The following UMAD1 variants were observed in gnomAD, a reference collection of about 807,000 sequenced individuals.
UMAD1 encodes the protein UBAP1-MVB12-associated (UMA) domain containing 1, also known as UBAP1-MVB12-associated (UMA)-domain containing protein 1.
In UMAD1, 8 loss-of-function variants were observed where a neutral mutation model predicts 6.1. The observed-to-expected ratio is 1.30, with a 90% CI of 0.76 to 2.35. The LOEUF (loss-of-function observed/expected upper bound fraction) is 2.35. Ranked by LOEUF, UMAD1 falls within the 30% of genes most tolerant of loss-of-function variation. The pLI is 0.00. For missense variants in UMAD1, 130 were observed against 78.4 expected, an observed-to-expected ratio of 1.66 and a Z score of -2.49; for synonymous variants, 56 against 31.4, an observed-to-expected ratio of 1.78 and a Z score of -2.61.
chr7:7,771,410 C>T (rs1298519440), intron 2 of UMAD1, among the ~76,000 whole-genome samples: 1 of 152,036 alleles, frequency 6.6e-6, no homozygotes, highest in African/African-American at 2.4e-5. Context: ...GGGGTGCCAT[C>T]GCTGCGGCAG....
At position 7,651,249 on chromosome 7, in the gene UMAD1, A is replaced by G. The variant is rs141773604; in HGVS notation, c.-64+10428A>G. Reference sequence around the variant, plus strand: ...AGGATCTACAAATCCACAAAAGTATATGTTAGTACTAGAGCTAATGTTGGA... The same window carrying G: ...AGGATCTACAAATCCACAAAAGTATGTGTTAGTACTAGAGCTAATGTTGGA... On this transcript the variant is annotated intron_variant, in intron 1 of 3. Coordinates refer to ENST00000682710, the MANE Select transcript of UMAD1 (RefSeq NM_001302348.2). Among the ~76,000 whole-genome samples, 302 of 152,360 alleles carry G rather than the reference A, an allele frequency of 2.0e-3. 1 individual carries two copies. Among genetic ancestry groups the G allele is most frequent in the African/African-American group, 7.0e-3 (289 of 41,582 alleles).
chr7:7,854,006 A>G (rs1783967994), intron 3 of UMAD1, among the ~76,000 whole-genome samples: 1 of 152,170 alleles, frequency 6.6e-6, no homozygotes, highest in South Asian at 2.1e-4. Flanking sequence ...TGTTGGGTGT[A>G]TTAGTCCGTT....
intron 2 of UMAD1, among the ~76,000 whole-genome samples, chr7:7,675,621 G>A (rs933897913): frequency 2.0e-5 from 3 of 152,108 alleles, no homozygotes; most frequent in Admixed American, 1.3e-4. Flanking sequence ...AGGAATTTCC[G>A]GGACCTAATT....
At chr7:7,708,191 G>C (rs1780654428) in intron 2 of UMAD1, among the ~76,000 whole-genome samples, 1 of 152,128 alleles carries the variant, frequency 6.6e-6, no homozygotes, top group African/African-American at 2.4e-5. Context: ...AAACACAACA[G>C]CTTCTCCTTA....
intron 2 of UMAD1, among the ~76,000 whole-genome samples, chr7:7,759,507 G>T (rs1039837707): frequency 1.3e-5 from 2 of 152,172 alleles, no homozygotes; most frequent in African/African-American, 4.8e-5. Flanking sequence ...GGGGCTTACA[G>T]CATTCTATTT....
intron 3 of UMAD1, among the ~76,000 whole-genome samples, chr7:7,839,055 G>A (rs1184072927): frequency 6.6e-6 from 1 of 152,172 alleles, no homozygotes; most frequent in Non-Finnish European, 1.5e-5. Flanking sequence ...TCCTGGTAAT[G>A]TTCTGTTCCT....
chr7:7,742,235 T>C, intron 2 of UMAD1: 2 of 679,726 alleles, frequency 2.9e-6, no homozygotes, highest in Non-Finnish European at 5.5e-6. Flanking sequence ...GATCTGGTGC[T>C]TGTTGGCTTT....
chr7:7,802,172 G>A (rs1352228378), intron 3 of UMAD1, among the ~76,000 whole-genome samples: 4 of 152,204 alleles, frequency 2.6e-5, no homozygotes, highest in African/African-American at 9.6e-5. Context: ...GAGGTCAAGA[G>A]ATCAAGACCA....
At chr7:7,853,923 A>G (rs1783966280) in intron 3 of UMAD1, among the ~76,000 whole-genome samples, 1 of 152,140 alleles carries the variant, frequency 6.6e-6, no homozygotes, top group South Asian at 2.1e-4. Flanking sequence ...TTTCACCATT[A>G]ATAATGTTGT....
chr7:7,772,361 G>T (rs1025792354), intron 2 of UMAD1: 3 of 152,270 alleles, frequency 2.0e-5, no homozygotes, highest in Admixed American at 6.5e-5. Flanking sequence ...TATGTTCTTT[G>T]CAGTCATTCT....
chr7:7,823,535 CA>C (rs1353638193), intron 3 of UMAD1, among the ~76,000 whole-genome samples: 1 of 152,038 alleles, frequency 6.6e-6, no homozygotes, highest in African/African-American at 2.4e-5. Context: ...TTTTGAAGCC[CA>C]AAGTGCCTCA....
chr7:7,780,183 C>T (rs1439333745), intron 2 of UMAD1, among the ~76,000 whole-genome samples: 1 of 152,206 alleles, frequency 6.6e-6, no homozygotes, highest in Non-Finnish European at 1.5e-5. Context: ...CAACCATTGC[C>T]ATTTACTACA....
At chr7:7,864,637 A>G (rs1350300242) in intron 3 of UMAD1, among the ~76,000 whole-genome samples, 2 of 125,298 alleles carry the variant, frequency 1.6e-5, no homozygotes, top group Non-Finnish European at 3.8e-5. Flanking sequence ...ACACACACAC[A>G]CACACACACA....
At chr7:7,717,654 C>A (rs1178591891) in intron 2 of UMAD1, among the ~76,000 whole-genome samples, 1 of 152,076 alleles carries the variant, frequency 6.6e-6, no homozygotes, top group Non-Finnish European at 1.5e-5. Context: ...CTGTTTTTCC[C>A]ACTTTGGGGC....
chr7:7,814,575 A>C (rs1025248963), intron 3 of UMAD1, among the ~76,000 whole-genome samples: 6 of 152,296 alleles, frequency 3.9e-5, no homozygotes, highest in African/African-American at 1.4e-4. Flanking sequence ...TGTAGAGGAA[A>C]GGGTTAAAAT....
chr7:7,767,957 G>A (rs750262956), intron 2 of UMAD1, among the ~76,000 whole-genome samples: 97 of 152,222 alleles, frequency 6.4e-4, no homozygotes, highest in Non-Finnish European at 1.2e-3. Context: ...ATTAATTTGT[G>A]TAGCACATGT....
intron 2 of UMAD1, among the ~76,000 whole-genome samples, chr7:7,699,988 T>A (rs1321169865): frequency 6.6e-6 from 1 of 152,246 alleles, no homozygotes; most frequent in Non-Finnish European, 1.5e-5. Flanking sequence ...TCTCATGAAG[T>A]AAGTGTGGTG....
intron 2 of UMAD1, among the ~76,000 whole-genome samples, chr7:7,784,170 C>A (rs1315258847): frequency 1.3e-5 from 2 of 152,012 alleles, no homozygotes; most frequent in Non-Finnish European, 2.9e-5. Context: ...ACACTGGGAA[C>A]TTTTTAAACT....
intron 2 of UMAD1, among the ~76,000 whole-genome samples, chr7:7,796,470 C>T (rs927750407): frequency 2.0e-5 from 3 of 151,996 alleles, no homozygotes; most frequent in African/African-American, 2.4e-5. Context: ...AGGCTGGTTT[C>T]GAACTCCCAA....
Sources: allele counts gnomAD v4.1 joint callset (sites outside exome capture counted in the v4.1 genomes callset), GRCh38; gene constraint gnomAD v4.1.1; transcripts MANE v1.5; gene names NCBI Gene and HGNC (gene_info 2026-07-23, HGNC 2026-07-21).